The following FAP variants were observed in gnomAD, a reference collection of about 807,000 sequenced individuals.
FAP encodes the protein prolyl endopeptidase FAP.
Under a neutral mutation model 126.5 loss-of-function variants are expected in FAP, and 110 were observed. The ratio of observed to expected loss-of-function variants is 0.87; its 90% CI spans 0.74 to 1.02. The LOEUF (loss-of-function observed/expected upper bound fraction) is 1.02. Ranked by LOEUF, FAP falls within the 50% of genes least tolerant of loss-of-function variation. The pLI is 0.00. For missense variants in FAP, 919 were observed against 909.2 expected (o/e 1.01, Z -0.14); for synonymous variants, 334 against 297.3 (o/e 1.12, Z -1.27).
At chr2:162,196,163 C>T (rs1688245698) in intron 16 of FAP, among the ~76,000 whole-genome samples, 3 of 152,148 alleles carry the variant, frequency 2.0e-5, no homozygotes, top group Non-Finnish European at 4.4e-5. Flanking sequence ...TGGGAAACCA[C>T]ACAGCTTTAC....
At chr2:162,224,290 C>T (rs1003490614) in intron 5 of FAP, among the ~76,000 whole-genome samples, 176 bp downstream of exon 5, 7 of 152,176 alleles carry the variant, frequency 4.6e-5, no homozygotes, top group African/African-American at 1.7e-4. Context: ...AGCACTTTCA[C>T]GCTTAAAACA....
intron 8 of FAP, 103 bp from the exon 9 acceptor site, chr2:162,218,243 A>G (rs556991401): frequency 2.4e-4 from 188 of 775,242 alleles, no homozygotes; most frequent in Admixed American, 6.2e-4. Context: ...AATTTATTTA[A>G]TGTGGATGTG....
chr2:162,219,361 T>C (rs1286695871), intron 7 of FAP, among the ~76,000 whole-genome samples, 178 bp from the exon 8 acceptor site: 2 of 152,198 alleles, frequency 1.3e-5, no homozygotes, highest in South Asian at 4.1e-4. Flanking sequence ...ACATCAATTA[T>C]GAATTTTAAA....
intron 21 of FAP, among the ~76,000 whole-genome samples, chr2:162,176,821 T>C (rs1687503645): frequency 6.6e-6 from 1 of 152,232 alleles, no homozygotes; most frequent in South Asian, 2.1e-4. Context: ...AAAAGGTTTT[T>C]GAATATTTCT....
chr2:162,203,614 T>C (rs936943643), intron 12 of FAP, among the ~76,000 whole-genome samples: 5 of 152,184 alleles, frequency 3.3e-5, no homozygotes, highest in African/African-American at 1.2e-4. Context: ...GAAAAGATCA[T>C]GGCTTGCTAG....
intron 12 of FAP, among the ~76,000 whole-genome samples, chr2:162,204,693 T>A (rs1263731001): frequency 6.6e-6 from 1 of 152,206 alleles, no homozygotes; most frequent in Admixed American, 6.5e-5. Context: ...GATTTCCGAC[T>A]TCCAGCTTTC....
chr2:162,242,831 C>A, intron 2 of FAP, 77 bp downstream of exon 2: 1 of 1,081,142 alleles, frequency 9.2e-7, no homozygotes, highest in South Asian at 1.4e-5. Context: ...AGGAAATGTT[C>A]AACCACTTGT....
At chr2:162,217,884 A>G in intron 9 of FAP, 102 bp downstream of exon 9, 1 of 822,150 alleles carries the variant, frequency 1.2e-6, no homozygotes, top group Non-Finnish European at 1.9e-6. Flanking sequence ...GCTCAAGGAT[A>G]AGAAGCTCTC....
intron 2 of FAP, among the ~76,000 whole-genome samples, chr2:162,239,517 G>T (rs897982005): frequency 6.6e-6 from 1 of 152,008 alleles, no homozygotes; most frequent in African/African-American, 2.4e-5. Flanking sequence ...AAAAAAAGTT[G>T]GGGATAGGAA....
intron 18 of FAP, among the ~76,000 whole-genome samples, 190 bp downstream of exon 18, chr2:162,189,462 TCAAC>T (rs1299407586): frequency 6.6e-6 from 1 of 151,948 alleles, no homozygotes; most frequent in African/African-American, 2.4e-5. Context: ...AGGTATAAGA[TCAAC>T]CATGTTCACA....
intron 2 of FAP, among the ~76,000 whole-genome samples, chr2:162,242,569 T>G (rs1576208761): frequency 6.6e-6 from 1 of 152,188 alleles, no homozygotes; most frequent in East Asian, 1.9e-4. Context: ...ACAAACCTAA[T>G]AATGAAAAGC....
intron 2 of FAP, among the ~76,000 whole-genome samples, chr2:162,227,845 C>T (rs957104460): frequency 7.2e-5 from 11 of 152,136 alleles, no homozygotes; most frequent in African/African-American, 2.4e-4. Flanking sequence ...TTTCTAGTCT[C>T]TCTCCTTTAA....
intron 2 of FAP, among the ~76,000 whole-genome samples, chr2:162,238,084 A>G (rs1317344542): frequency 6.6e-6 from 1 of 151,078 alleles, no homozygotes; most frequent in Admixed American, 6.6e-5. Flanking sequence ...TTCTTTGTAG[A>G]TTCTGGATAT....
intron 16 of FAP, 142 bp downstream of exon 16, chr2:162,198,615 T>C: frequency 4.6e-6 from 5 of 1,095,442 alleles, no homozygotes; most frequent in Non-Finnish European, 5.2e-6. Context: ...CCTCCTTTAA[T>C]TTTTTTTCTA....
chr2:162,221,959 C>G (rs558360259), intron 6 of FAP, among the ~76,000 whole-genome samples: 2 of 150,318 alleles, frequency 1.3e-5, no homozygotes, highest in African/African-American at 5.0e-5. Flanking sequence ...TACCTGACCA[C>G]CCCCCCACCA....
intron 9 of FAP, among the ~76,000 whole-genome samples, chr2:162,217,448 A>G (rs955642026): frequency 6.6e-6 from 1 of 152,218 alleles, no homozygotes; most frequent in Admixed American, 6.5e-5. Flanking sequence ...AAAAGAATGT[A>G]TAACAACTCT....
chr2:162,213,972 A>C lies in FAP; in HGVS notation c.968T>G (p.Phe323Cys). 6.2e-7 allele frequency: 1 copy of C among 1,613,936 alleles called. No individual in the cohort carries two copies. The highest frequency in any genetic ancestry group is 8.5e-7 in the Non-Finnish European group (1 of 1,179,910). ...ATCCCATGTCTGCCAGTCTTCCCTG[A>C]AGTCACATATAGACAGGACCGAAAC... ...QNVSVLSICD[F>C]REDWQTWDCP... Residue 323 changes from phenylalanine to cysteine, a missense_variant, in exon 11 of 26, where the codon TTC (phenylalanine) becomes TGC (cysteine). Coordinates refer to ENST00000188790, the MANE Select transcript of FAP (RefSeq NM_004460.5).
Position 162,202,866 on chromosome 2 carries a change from A to G in FAP, c.1223+6T>C. The stretch of plus-strand genomic sequence containing the variant: ...AATGGTGCATCGTGCTTCGTGCAAT[A>G]CTTACAGTGAATCCTGTGTTACTCT... On this transcript the variant is annotated splice_donor_region_variant and intron_variant, in intron 14 of 25. Transcript: ENST00000188790. The G allele has an allele frequency of 1.2e-6, 2 of 1,610,652 alleles. No individual in the cohort carries two copies. The highest frequency in any genetic ancestry group is 1.7e-6 in the Non-Finnish European group (2 of 1,176,902).
chr2:162,223,611 T>C lies in FAP; in HGVS notation c.410A>G (p.Asn137Ser), dbSNP rs373002642. The C allele has an allele frequency of 8.8e-6, 14 of 1,591,080 alleles. No individual in the cohort carries two copies. In the African/African-American group the frequency reaches 1.3e-4, roughly 15 times the overall value. ...TATYYIYDLS[N>S]GEFVRGNELP... is the part of the protein sequence containing the mutation. ...TTAATAAACAGAGGTGATTTACCCA[T>C]TGCTAAGGTCATAGATGTAATATGT... Residue 137 changes from asparagine to serine, a missense_variant, in exon 6 of 26, where the codon AAT (asparagine) becomes AGT (serine). Transcript: ENST00000188790.
Sources: gnomAD v4.1 joint callset for allele counts (sites outside exome capture counted in the v4.1 genomes callset) on GRCh38, gnomAD v4.1.1 for gene constraint, MANE v1.5 for transcripts, NCBI Gene and HGNC (gene_info 2026-07-23, HGNC 2026-07-21) for gene names.